Variants in ENTREP2 observed in about 807,000 individuals in gnomAD.
The protein encoded by ENTREP2 is protein ENTREP2.
At chr15:29,269,163 G>A in the ENTREP2 span, 7 of 1,614,014 alleles carry the variant, frequency 4.3e-6, no homozygotes, top group Admixed American at 5.0e-5. Context: ...GCCCTAAGAC[G>A]ATCATCAGGA....
chr15:29,219,736 C>T, the ENTREP2 span, among the ~76,000 whole-genome samples: 2 of 146,796 alleles, frequency 1.4e-5, no homozygotes, highest in Non-Finnish European at 3.0e-5. Flanking sequence ...AGATTGGAGA[C>T]TACTATTCTA....
At chr15:29,281,226 G>A in the ENTREP2 span, among the ~76,000 whole-genome samples, 1 of 152,106 alleles carries the variant, frequency 6.6e-6, no homozygotes, top group South Asian at 2.1e-4. Context: ...TAGAAATTCT[G>A]CCGAACTCAT....
the ENTREP2 span, among the ~76,000 whole-genome samples, chr15:29,343,627 T>C: frequency 2.0e-5 from 3 of 152,098 alleles, no homozygotes; most frequent in Non-Finnish European, 2.9e-5. Context: ...TTCCTCTCAT[T>C]GGTTCTGTTA....
At chr15:29,416,517 C>T in the ENTREP2 span, among the ~76,000 whole-genome samples, 1,139 of 152,200 alleles carry the variant, frequency 7.5e-3, 14 homozygotes, top group African/African-American at 0.026. Flanking sequence ...TAAAGACTTA[C>T]ATGTTAGACC....
At chr15:29,602,770 A>C in the ENTREP2 span, among the ~76,000 whole-genome samples, 1 of 152,162 alleles carries the variant, frequency 6.6e-6, no homozygotes, top group Non-Finnish European at 1.5e-5. Context: ...TAATGAGCCA[A>C]AACACAAAGC....
At chr15:29,424,003 G>A in the ENTREP2 span, among the ~76,000 whole-genome samples, 5 of 152,184 alleles carry the variant, frequency 3.3e-5, no homozygotes, top group South Asian at 2.1e-4. Flanking sequence ...GAATGAAGGC[G>A]TGGACCCTCA....
chr15:29,362,430 A>G, the ENTREP2 span, among the ~76,000 whole-genome samples: 1 of 130,348 alleles, frequency 7.7e-6, no homozygotes, highest in African/African-American at 3.0e-5. Context: ...GCTAGAATGC[A>G]GTGGCGCGAT....
At chr15:29,458,976 CAT>C in the ENTREP2 span, among the ~76,000 whole-genome samples, 1 of 152,164 alleles carries the variant, frequency 6.6e-6, no homozygotes, top group East Asian at 1.9e-4. Context: ...CTGATTCCCA[CAT>C]GTTCCCAGGC....
the ENTREP2 span, among the ~76,000 whole-genome samples, chr15:29,481,956 C>T: frequency 3.3e-5 from 5 of 152,122 alleles, no homozygotes; most frequent in Admixed American, 2.6e-4. Flanking sequence ...TCCCCAGAAG[C>T]ACAGCTTTCC....
the ENTREP2 span, among the ~76,000 whole-genome samples, chr15:29,264,021 G>T: frequency 1.6e-4 from 24 of 152,132 alleles, no homozygotes; most frequent in African/African-American, 5.8e-4. Flanking sequence ...TGGGCATGGT[G>T]GCGGGTGCCT....
the ENTREP2 span, among the ~76,000 whole-genome samples, chr15:29,494,085 A>T: frequency 3.3e-5 from 5 of 152,208 alleles, no homozygotes; most frequent in Non-Finnish European, 7.3e-5. Flanking sequence ...TTAAGAAAAT[A>T]AGTAACAAGG....
At chr15:29,562,560 T>C in the ENTREP2 span, among the ~76,000 whole-genome samples, 4 of 152,206 alleles carry the variant, frequency 2.6e-5, no homozygotes, top group African/African-American at 4.8e-5. Context: ...GACACAGGAA[T>C]TCTTGGTTCT....
chr15:29,160,724 A>G, the ENTREP2 span, among the ~76,000 whole-genome samples: 10 of 150,484 alleles, frequency 6.6e-5, no homozygotes, highest in Non-Finnish European at 2.9e-5. Flanking sequence ...AAAAAAAAAA[A>G]AAAAAAAAAA....
the ENTREP2 span, among the ~76,000 whole-genome samples, chr15:29,399,449 A>G: frequency 1.3e-5 from 2 of 152,258 alleles, no homozygotes; most frequent in Non-Finnish European, 2.9e-5. Context: ...AAGCAAAATC[A>G]TTACTATTTG....
At chr15:29,642,310 A>G in the ENTREP2 span, among the ~76,000 whole-genome samples, 3 of 152,030 alleles carry the variant, frequency 2.0e-5, no homozygotes, top group Admixed American at 1.3e-4. Context: ...GTGGAATAGA[A>G]TTAAGAATCT....
At chr15:29,533,983 G>A in the ENTREP2 span, among the ~76,000 whole-genome samples, 1 of 151,912 alleles carries the variant, frequency 6.6e-6, no homozygotes, top group Non-Finnish European at 1.5e-5. Context: ...AGGAACGTAT[G>A]GAGACGCATT....
At chr15:29,269,893 G>C in the ENTREP2 span, 1 of 543,074 alleles carries the variant, frequency 1.8e-6, no homozygotes. Flanking sequence ...GCTGCGGCGG[G>C]TACCAAAAGG....
At chr15:29,548,864 G>A in the ENTREP2 span, among the ~76,000 whole-genome samples, 1 of 152,152 alleles carries the variant, frequency 6.6e-6, no homozygotes, top group South Asian at 2.1e-4. Flanking sequence ...ACGATTCAGG[G>A]AACCTACTGG....
chr15:29,587,874 G>T, the ENTREP2 span, among the ~76,000 whole-genome samples: 18,859 of 152,102 alleles, frequency 0.12, 2,082 homozygotes, highest in East Asian at 0.47. Context: ...GGCCAGGCTG[G>T]TCTCAAATTC....
Sources: gnomAD v4.1 joint callset for allele counts (sites outside exome capture counted in the v4.1 genomes callset) on GRCh38, gnomAD v4.1.1 for gene constraint, MANE v1.5 for transcripts, NCBI Gene and HGNC (gene_info 2026-07-23, HGNC 2026-07-21) for gene names.